Variants in EVC observed in about 807,000 individuals in gnomAD.
EVC encodes EvC ciliary complex subunit 1, also known as evC complex member EVC.
In EVC, 116 loss-of-function variants were observed where a neutral mutation model predicts 118.9. That is an observed-to-expected ratio of 0.98 (90% CI 0.84 to 1.14). The LOEUF (loss-of-function observed/expected upper bound fraction) is 1.14. Ranked by LOEUF, EVC falls within the 50% of genes most tolerant of loss-of-function variation. The pLI is 0.00. For missense variants in EVC, 1,401 were observed against 1,246.4 expected (o/e 1.12, Z -1.87); for synonymous variants, 619 against 534.7 (o/e 1.16, Z -2.18).
At position 5,752,852 on chromosome 4, in the gene EVC, C is replaced by A. The variant is rs28483498; in HGVS notation, c.1115C>A (p.Thr372Lys). The change falls in exon 9 of 21, where the codon ACG becomes AAG. Residue 372 changes from threonine to lysine, a missense_variant. Transcript: ENST00000264956. ...TTTTTGCAGGACGCCCTGGAGAGGA[C>A]GATGGGGCGGGCGCACATGGCAAAA... ...ELQALDALER[T>K]MGRAHMAKVI... 1.2e-6 allele frequency: 2 copies of A among 1,614,178 alleles called. No homozygotes were observed. Among genetic ancestry groups the A allele is most frequent in the Admixed American group, 3.3e-5 (2 of 60,032 alleles).
At chr4:5,784,132 G>A (rs1258234105) in intron 12 of EVC, among the ~76,000 whole-genome samples, 1 of 152,166 alleles carries the variant, frequency 6.6e-6, no homozygotes, top group Non-Finnish European at 1.5e-5. Flanking sequence ...CAGTGAGTCT[G>A]ATTATTAAGA....
chr4:5,713,494 A>G (rs1156672286), intron 1 of EVC, among the ~76,000 whole-genome samples: 1 of 152,082 alleles, frequency 6.6e-6, no homozygotes, highest in Non-Finnish European at 1.5e-5. Context: ...CCTGGCCAAT[A>G]TGGTGAAACC....
At chr4:5,711,653 C>G in intron 1 of EVC, 99 bp downstream of exon 1, 2 of 963,786 alleles carry the variant, frequency 2.1e-6, no homozygotes, top group Non-Finnish European at 1.3e-6. Context: ...CTCCTTGAGC[C>G]TGGTTGGGAA....
chr4:5,725,060 T>G (rs954453150), intron 2 of EVC, among the ~76,000 whole-genome samples: 6 of 152,218 alleles, frequency 3.9e-5, no homozygotes, highest in Non-Finnish European at 5.9e-5. Flanking sequence ...ACGATCTTGT[T>G]CCTTTTTATG....
Position 5,783,611 on chromosome 4 carries a change from G to C in EVC, c.1623G>C (p.Gln541His). ...FQKFVDALFL[Q>H]TLPGMTGLPP... The stretch of plus-strand genomic sequence containing the variant: ...AGTTCGTGGATGCCCTGTTCCTTCA[G>C]ACGCTCCCTGGCATGACTGGCCTCC... The change falls in exon 12 of 21, where the codon CAG becomes CAC. Residue 541 changes from glutamine (Q) to histidine (H), a missense_variant. Gln to His is a conservative substitution (Grantham distance 24, BLOSUM62 0). Transcript: ENST00000264956. 1.2e-6 allele frequency: 2 copies of C among 1,614,198 alleles called. No individual in the cohort carries two copies. Among genetic ancestry groups the C allele is most frequent in the Non-Finnish European group, 1.7e-6 (2 of 1,180,046 alleles).
chr4:5,711,443 G>A lies in EVC; in HGVS notation c.63G>A (p.Leu21=). The change falls in exon 1 of 21, where the codon CTG becomes CTA. Residue 21 remains leucine (L), a synonymous_variant. Transcript: ENST00000264956. Reference sequence around the variant, plus strand: ...GGCTGCTGCTGGGGCGGGACGCGCTGCGGCCGGCGCCCGCCCTGCTGGCCC... The same window carrying A: ...GGCTGCTGCTGGGGCGGGACGCGCTACGGCCGGCGCCCGCCCTGCTGGCCC... ...DARLLLGRDA[L]RPAPALLAPA... 9.8e-7 allele frequency: 1 copy of A among 1,024,292 alleles called. No homozygotes were observed. The highest frequency in any genetic ancestry group is 5.6e-5 in the Admixed American group (1 of 17,856). The allele number at this position is 1,024,292 out of a possible 1,614,324, so 63.5% of individuals were successfully genotyped here. A position where few individuals can be genotyped will look rare whatever the true frequency, so the allele number is the denominator to read the frequency against.
Position 5,733,337 on chromosome 4 carries a change from A to C in EVC, c.618-14A>C, listed in dbSNP as rs767274362. 5 of 1,611,528 alleles carry C rather than the reference A, an allele frequency of 3.1e-6. No individual in the cohort carries two copies. Among genetic ancestry groups the C allele is most frequent in the Non-Finnish European group, 4.2e-6 (5 of 1,177,770 alleles). On this transcript the variant is annotated splice_polypyrimidine_tract_variant and intron_variant, in intron 4 of 20. Coordinates refer to ENST00000264956, the MANE Select transcript of EVC (RefSeq NM_153717.3). ...ACCCTGAAAGTCTTTTCCGCTTCTC[A>C]TTTTATTTTGCAGTGTAGACGTTGA... is the stretch of plus-strand genomic sequence containing the variant.
chr4:5,819,984 TC>T, the EVC span, among the ~76,000 whole-genome samples: 6 of 152,192 alleles, frequency 3.9e-5, no homozygotes, highest in Non-Finnish European at 8.8e-5. Context: ...TCCAAAGCCA[TC>T]TGCCTCAAAT....
intron 13 of EVC, among the ~76,000 whole-genome samples, chr4:5,794,327 A>ATATATATTTATATATATT (rs1713444772): frequency 8.4e-6 from 1 of 118,732 alleles, no homozygotes; most frequent in Non-Finnish European, 1.8e-5. Context: ...ATATATATTT[A>ATATATATTTATATATATT]TATATATTTA....
chr4:5,821,399 C>G, the EVC span: 2 of 262,308 alleles, frequency 7.6e-6, no homozygotes, highest in Non-Finnish European at 1.5e-5. The surrounding 1 kb of genome is among the most constrained non-coding windows in gnomAD (Gnocchi z 4.4). Context: ...ATCAACTATC[C>G]TAGAACATCT....
intron 11 of EVC, among the ~76,000 whole-genome samples, chr4:5,778,468 G>A (rs1735068438): frequency 1.3e-5 from 2 of 151,302 alleles, no homozygotes; most frequent in Admixed American, 6.6e-5. Flanking sequence ...GTGTAAAAGT[G>A]TTCCTATTTC....
intron 17 of EVC, 110 bp downstream of exon 17, chr4:5,804,951 TGGG>T: frequency 1.0e-6 from 1 of 967,950 alleles, no homozygotes. Flanking sequence ...CCCGTGGACT[TGGG>T]GGCCATCGGC....
intron 3 of EVC, among the ~76,000 whole-genome samples, chr4:5,729,875 G>A (rs375593121): frequency 2.3e-4 from 35 of 152,230 alleles, no homozygotes; most frequent in African/African-American, 7.7e-4. Flanking sequence ...CCAGAGAGGC[G>A]AGTGACCTGA....
intron 11 of EVC, among the ~76,000 whole-genome samples, chr4:5,764,070 C>T (rs371084697): frequency 0.37 from 47,473 of 128,974 alleles, 7,747 homozygotes; most frequent in East Asian, 0.46. Context: ...TTTTGAGATA[C>T]ATCCCATCAA....
chr4:5,828,836 GTA>G, the EVC span, among the ~76,000 whole-genome samples: 19 of 152,186 alleles, frequency 1.2e-4, no homozygotes, highest in Admixed American at 9.8e-4. Flanking sequence ...GGTCCACAGT[GTA>G]TATAACCAAC....
chr4:5,778,294 A>G (rs1438198440), intron 11 of EVC, among the ~76,000 whole-genome samples: 2 of 151,992 alleles, frequency 1.3e-5, no homozygotes, highest in Non-Finnish European at 2.9e-5. Flanking sequence ...TGCCGCAGTA[A>G]ACATACGTGT....
chr4:5,783,519 A>T, intron 11 of EVC, 33 bp from the exon 12 acceptor site: 2 of 1,609,322 alleles, frequency 1.2e-6, no homozygotes, highest in Non-Finnish European at 1.7e-6. Context: ...TCCTGCCGTG[A>T]CCTGTAACCC....
rs1017499833 is a variant in EVC at position 5,798,099 on chromosome 4, C to T, written c.2098-487C>T. Among the ~76,000 whole-genome samples, 1 of 152,210 alleles carries T rather than the reference C, an allele frequency of 6.6e-6. No homozygotes were observed. The highest frequency in any genetic ancestry group is 2.4e-5 in the African/African-American group (1 of 41,452). Reference sequence around the variant, plus strand: ...CAGGCAGGACTCACGGACCTCGCTACAGCCCCGCTCACTTCTTTCTCTCTT... The same window carrying T: ...CAGGCAGGACTCACGGACCTCGCTATAGCCCCGCTCACTTCTTTCTCTCTT... On this transcript the variant is annotated intron_variant, in intron 14 of 20. Transcript: ENST00000264956. This position sits in a 1 kb window ranked among gnomAD's most constrained non-coding sequence, Gnocchi z 4.1.
chr4:5,814,364 C>G (rs1717357322), downstream of EVC: 1 of 152,116 alleles, frequency 6.6e-6, no homozygotes, highest in African/African-American at 2.4e-5. Flanking sequence ...TTTTGTACTC[C>G]CCCAGGGTGA....
Sources: allele counts gnomAD v4.1 joint callset (sites outside exome capture counted in the v4.1 genomes callset), GRCh38; gene constraint gnomAD v4.1.1; non-coding constraint Gnocchi (gnomAD v3.1); transcripts MANE v1.5; gene names NCBI Gene and HGNC (gene_info 2026-07-23, HGNC 2026-07-21).